The following GOLGA5 variants were observed in gnomAD, a reference collection of about 807,000 sequenced individuals.
GOLGA5 encodes golgin subfamily A member 5.
A neutral mutation model predicts 93.5 loss-of-function variants in GOLGA5; 50 were observed. The ratio of observed to expected loss-of-function variants is 0.53; its 90% CI spans 0.43 to 0.68. The LOEUF (loss-of-function observed/expected upper bound fraction) is 0.68. GOLGA5 is among the 30% of genes least tolerant of loss of function. The probability of loss-of-function intolerance (pLI) is 0.00; values close to 1 mark genes in which losing one functional copy is unlikely to be tolerated. For synonymous variants in GOLGA5, 312 were observed against 304.5 expected, an observed-to-expected ratio of 1.02 and a Z score of -0.26; for missense variants, 760 against 856.4, an observed-to-expected ratio of 0.89 and a Z score of 1.40.
In GOLGA5 at chr14:92,797,998, C is replaced by T. The variant is rs561751889; in HGVS notation, c.544+17C>T. On this transcript the variant is annotated intron_variant, in intron 2 of 12. Transcript: ENST00000163416. ...AAACCCACGGTAGTTAATCAGTCCTCTTATTTCTTTTAGAGTTAAGCAAAT... is the reference window on the plus strand; with the variant it reads ...AAACCCACGGTAGTTAATCAGTCCTTTTATTTCTTTTAGAGTTAAGCAAAT... 62 of 1,512,092 alleles carry T rather than the reference C, an allele frequency of 4.1e-5. No homozygotes were observed. Among genetic ancestry groups the T allele is most frequent in the South Asian group, 3.7e-4 (29 of 77,932 alleles). 93.7% of individuals were successfully genotyped at this position (1,512,092 alleles called of 1,614,324 possible).
intron 1 of GOLGA5, among the ~76,000 whole-genome samples, chr14:92,794,701 C>T (rs1884681507): frequency 1.3e-5 from 2 of 152,072 alleles, no homozygotes; most frequent in Admixed American, 1.3e-4. Flanking sequence ...TCTTCCCGCA[C>T]GGAACGAGAT....
intron 8 of GOLGA5, among the ~76,000 whole-genome samples, chr14:92,823,519 A>G (rs1304012047): frequency 6.6e-6 from 1 of 151,202 alleles, no homozygotes; most frequent in Non-Finnish European, 1.5e-5. Context: ...GGCTCAGGTA[A>G]TTCTCCCACG....
In GOLGA5 at chr14:92,813,997, A is replaced by G. The variant is rs1200512721; in HGVS notation, c.1320+2243A>G. On this transcript the variant is annotated intron_variant, in intron 6 of 12. Coordinates refer to ENST00000163416, the MANE Select transcript of GOLGA5 (RefSeq NM_005113.4). ...CCAGGTTTTTGGTTTAAGTGTATGA[A>G]TGATGTTTCCTTGTGTTAATAAAAG... Among the ~76,000 whole-genome samples the G allele has an allele frequency of 3.3e-5, 5 of 152,230 alleles. No individual in the cohort carries two copies. In the South Asian group the frequency reaches 1.0e-3, roughly 32 times the overall value.
chr14:92,797,784 CAG>C lies in GOLGA5; in HGVS notation c.349_350del (p.Glu117ThrfsTer2). 1 of 1,613,742 alleles carries C rather than the reference CAG, an allele frequency of 6.2e-7. No individual in the cohort carries two copies. The highest frequency in any genetic ancestry group is 8.5e-7 in the Non-Finnish European group (1 of 1,179,844). ...TCCCATTTTGTGCGAAGAAAAAAGTCAGAACCTGATGATGAGCTGCTGTTTGA... is the reference window on the plus strand; with the variant it reads ...TCCCATTTTGTGCGAAGAAAAAAGTCAACCTGATGATGAGCTGCTGTTTGA... On this transcript the variant is annotated frameshift_variant, in exon 2 of 13. Transcript: ENST00000163416. LOFTEE classifies it high-confidence loss of function.
At chr14:92,829,866 TTTG>T (rs1202606861) in intron 9 of GOLGA5, among the ~76,000 whole-genome samples, 2 of 152,102 alleles carry the variant, frequency 1.3e-5, no homozygotes, top group Non-Finnish European at 2.9e-5. Context: ...TGTGACAAAC[TTTG>T]TTGTTATCTT....
intron 2 of GOLGA5, among the ~76,000 whole-genome samples, chr14:92,803,160 A>G (rs908430497): frequency 6.6e-6 from 1 of 152,050 alleles, no homozygotes; most frequent in African/African-American, 2.4e-5. Flanking sequence ...CTCAGCCTCA[A>G]TAGTAACTGA....
intron 3 of GOLGA5, among the ~76,000 whole-genome samples, chr14:92,807,363 TATTTAC>T (rs1885011600): frequency 2.6e-5 from 4 of 152,210 alleles, no homozygotes; most frequent in African/African-American, 9.6e-5. Context: ...CTGTTAGAAA[TATTTAC>T]ATTTAAACTG....
chr14:92,811,828 T>TA, intron 6 of GOLGA5, 74 bp downstream of exon 6: 3 of 1,060,642 alleles, frequency 2.8e-6, no homozygotes, highest in South Asian at 2.6e-5. Flanking sequence ...ACTGTGTAGA[T>TA]ACTGTGTGAG....
At chr14:92,804,944 C>T (rs1215443884) in intron 2 of GOLGA5, among the ~76,000 whole-genome samples, 1 of 152,236 alleles carries the variant, frequency 6.6e-6, no homozygotes, top group East Asian at 1.9e-4. Context: ...CCACGCCCTG[C>T]CAACACTCCC....
intron 9 of GOLGA5, among the ~76,000 whole-genome samples, chr14:92,830,694 G>A (rs1885513339): frequency 6.6e-6 from 1 of 152,084 alleles, no homozygotes; most frequent in Non-Finnish European, 1.5e-5. Flanking sequence ...TGACCTCCCA[G>A]GCTCTAGTGG....
At chr14:92,815,651 AC>A (rs1885186325) in intron 6 of GOLGA5, among the ~76,000 whole-genome samples, 1 of 151,852 alleles carries the variant, frequency 6.6e-6, no homozygotes. Flanking sequence ...GGCCTGGGCA[AC>A]ATAGCAAGAC....
intron 2 of GOLGA5, among the ~76,000 whole-genome samples, chr14:92,805,958 C>T (rs1884975334): frequency 7.3e-6 from 1 of 137,546 alleles, no homozygotes; most frequent in African/African-American, 2.8e-5. Context: ...TTGGGTAAGA[C>T]ATGTTAGATT....
At position 92,800,288 on chromosome 14, in the gene GOLGA5, G is replaced by T. The variant is rs1884840500; in HGVS notation, c.544+2307G>T. On this transcript the variant is annotated intron_variant, in intron 2 of 12. Transcript: ENST00000163416. ...GAAGGAGGAAGTAACTAATTGCCTAGGGTATTCAGAAAGGATTCACAGAGG... is the reference window on the plus strand; with the variant it reads ...GAAGGAGGAAGTAACTAATTGCCTATGGTATTCAGAAAGGATTCACAGAGG... Among the ~76,000 whole-genome samples, 4 of 152,206 alleles carry T rather than the reference G, an allele frequency of 2.6e-5. No homozygotes were observed. In the South Asian group the frequency reaches 8.3e-4, roughly 32 times the overall value.
chr14:92,817,787 G>A (rs147170657), intron 7 of GOLGA5, among the ~76,000 whole-genome samples: 1 of 152,168 alleles, frequency 6.6e-6, no homozygotes, highest in African/African-American at 2.4e-5. Flanking sequence ...GCAGACAGAC[G>A]TGGATAGATT....
In GOLGA5 at chr14:92,839,347, T is replaced by C. The variant is rs753155228; in HGVS notation, c.2116-19T>C. On this transcript the variant is annotated intron_variant, in intron 12 of 12. Transcript: ENST00000163416. Reference sequence around the variant, plus strand: ...ATTGGTTTATTGGCTAATCCACAAATTGCTTTTTCTTTCTCTAGGCTTTGC... The same window carrying C: ...ATTGGTTTATTGGCTAATCCACAAACTGCTTTTTCTTTCTCTAGGCTTTGC... The C allele has an allele frequency of 6.3e-7, 1 of 1,586,468 alleles. No individual in the cohort carries two copies.
Position 92,837,202 on chromosome 14 carries a change from A to G in GOLGA5, c.2052-184A>G, listed in dbSNP as rs369927508. On this transcript the variant is annotated intron_variant, in intron 11 of 12. Transcript: ENST00000163416. ...AAAAGCATTTATTTACCTCTATGAC[A>G]TTTTTATATTATTATTTCAAGTAAT... is the stretch of plus-strand genomic sequence containing the variant. 5.9e-5 allele frequency among the ~76,000 whole-genome samples: 9 copies of G among 152,328 alleles called. No individual in the cohort carries two copies. The East Asian group carries it at 1.3e-3, about 23-fold the overall frequency.
chr14:92,823,312 C>G (rs574540222), intron 8 of GOLGA5, among the ~76,000 whole-genome samples: 2 of 152,082 alleles, frequency 1.3e-5, no homozygotes, highest in African/African-American at 4.8e-5. Flanking sequence ...GTCACTTTGT[C>G]TGTTTATGCA....
At chr14:92,820,415 C>T (rs1310614743) in intron 8 of GOLGA5, among the ~76,000 whole-genome samples, 1 of 152,210 alleles carries the variant, frequency 6.6e-6, no homozygotes, top group Non-Finnish European at 1.5e-5. Context: ...CGGTTTTTCT[C>T]CTATCTCAGA....
At chr14:92,826,010 G>C (rs1190712332) in intron 9 of GOLGA5, among the ~76,000 whole-genome samples, 1 of 151,624 alleles carries the variant, frequency 6.6e-6, no homozygotes, top group Non-Finnish European at 1.5e-5. Flanking sequence ...TTTTTAATTA[G>C]GTGCATGGTG....
Sources: allele counts gnomAD v4.1 joint callset (sites outside exome capture counted in the v4.1 genomes callset), GRCh38; gene constraint gnomAD v4.1.1; transcripts MANE v1.5; gene names NCBI Gene and HGNC (gene_info 2026-07-23, HGNC 2026-07-21).